The following UST variants were observed in gnomAD, a reference collection of about 807,000 sequenced individuals.
UST encodes chondroitin sulfate 2-O-sulfotransferase.
A neutral mutation model predicts 45.6 loss-of-function variants in UST; 21 were observed. The ratio of observed to expected loss-of-function variants is 0.46; its 90% CI spans 0.33 to 0.66. The LOEUF (loss-of-function observed/expected upper bound fraction) is 0.66, where lower values mean the gene tolerates loss of function less well. UST is among the 30% of genes least tolerant of loss of function. The pLI is 0.02. For synonymous variants in UST, 215 were observed against 200.6 expected (o/e 1.07, Z -0.61); for missense variants, 463 against 512.4 (o/e 0.90, Z 0.93).
intron 1 of UST, among the ~76,000 whole-genome samples, chr6:148,878,448 ATGAG>A (rs1211187928): frequency 1.0e-5 from 1 of 98,866 alleles, no homozygotes; most frequent in Non-Finnish European, 1.9e-5. Flanking sequence ...GGGATCGTGT[ATGAG>A]TGGGGTGTCG....
intron 1 of UST, among the ~76,000 whole-genome samples, chr6:148,817,702 G>C (rs1032405286): frequency 9.2e-5 from 14 of 152,200 alleles, no homozygotes; most frequent in African/African-American, 3.4e-4. Flanking sequence ...TGCAGAGGAA[G>C]CCTTCAGGTA....
At chr6:149,061,593 A>G (rs1389246271) in intron 7 of UST, among the ~76,000 whole-genome samples, 1 of 152,190 alleles carries the variant, frequency 6.6e-6, no homozygotes, top group East Asian at 1.9e-4. Flanking sequence ...GAGTTGGCAA[A>G]CCAGAATCTG....
chr6:149,076,400 A>G lies in UST; in HGVS notation c.*2284A>G, dbSNP rs1272217315. ...GAACATTGGGACAATTGGTCGTTCA[A>G]AAACATTCATCCTCTTACTGCAAGT... On this transcript the variant is annotated 3_prime_UTR_variant, in exon 8 of 8. Coordinates refer to ENST00000367463, the MANE Select transcript of UST (RefSeq NM_005715.3). The G allele has an allele frequency of 6.6e-6, 1 of 152,218 alleles. No individual in the cohort carries two copies. The highest frequency in any genetic ancestry group is 2.4e-5 in the African/African-American group (1 of 41,454). 9.4% of individuals were successfully genotyped at this position (152,218 alleles called of 1,614,324 possible).
At chr6:148,859,864 G>C (rs571279556) in intron 1 of UST, among the ~76,000 whole-genome samples, 4 of 152,202 alleles carry the variant, frequency 2.6e-5, no homozygotes, top group East Asian at 1.9e-4. Context: ...TCTCTGTTTT[G>C]GTACCAGTAC....
chr6:148,837,488 G>C (rs6926820), intron 1 of UST, among the ~76,000 whole-genome samples: 1,964 of 152,314 alleles, frequency 0.013, 42 homozygotes, highest in African/African-American at 0.045. Flanking sequence ...TGTAGCTGAA[G>C]TTCCTTCACT....
intron 5 of UST, among the ~76,000 whole-genome samples, chr6:148,991,976 T>A (rs1487285926): frequency 6.6e-6 from 1 of 152,168 alleles, no homozygotes; most frequent in African/African-American, 2.4e-5. Flanking sequence ...TTTTTACTGC[T>A]CCATCAAGAA....
intron 5 of UST, among the ~76,000 whole-genome samples, chr6:149,010,905 A>AG (rs1775797219): frequency 6.8e-6 from 1 of 147,934 alleles, no homozygotes; most frequent in African/African-American, 2.5e-5. Flanking sequence ...CAAAAAAAAA[A>AG]AAAAAAAAAA....
chr6:148,840,718 G>GA (rs1184116296), intron 1 of UST, among the ~76,000 whole-genome samples: 3 of 152,148 alleles, frequency 2.0e-5, no homozygotes, highest in Non-Finnish European at 2.9e-5. Context: ...ACTGTATTTT[G>GA]AAAAAAATCT....
chr6:148,749,470 T>C (rs967174526), intron 1 of UST, among the ~76,000 whole-genome samples: 3 of 152,138 alleles, frequency 2.0e-5, no homozygotes, highest in African/African-American at 7.2e-5. Flanking sequence ...TCTGTGCTCA[T>C]TGTCCTCAAA....
chr6:148,841,114 T>TA (rs1222255195), intron 1 of UST, among the ~76,000 whole-genome samples: 3 of 149,598 alleles, frequency 2.0e-5, no homozygotes, highest in East Asian at 1.9e-4. Context: ...TTTGATAGAT[T>TA]AAAAAAAAAG....
At chr6:148,891,048 C>A (rs185946063) in intron 2 of UST, among the ~76,000 whole-genome samples, 3 of 152,308 alleles carry the variant, frequency 2.0e-5, no homozygotes, top group Admixed American at 2.0e-4. Context: ...TTTTGGGAAG[C>A]TTCTACCCAG....
intron 1 of UST, among the ~76,000 whole-genome samples, chr6:148,786,904 A>G (rs1382390235): frequency 6.6e-6 from 1 of 152,174 alleles, no homozygotes; most frequent in Admixed American, 6.5e-5. Flanking sequence ...AGTAATTGCC[A>G]TTCTGACTGG....
chr6:149,070,319 A>G (rs1386584632), intron 7 of UST, among the ~76,000 whole-genome samples: 1 of 152,230 alleles, frequency 6.6e-6, no homozygotes, highest in Non-Finnish European at 1.5e-5. Context: ...CCTGTGAACA[A>G]TGACCCGCCC....
At chr6:148,893,152 A>C (rs1346868019) in intron 2 of UST, among the ~76,000 whole-genome samples, 1 of 152,242 alleles carries the variant, frequency 6.6e-6, no homozygotes, top group East Asian at 1.9e-4. Flanking sequence ...ACTTACATAC[A>C]AAAGCATTTT....
chr6:148,912,422 T>C (rs1479905895), intron 2 of UST, among the ~76,000 whole-genome samples: 4 of 152,264 alleles, frequency 2.6e-5, no homozygotes, highest in African/African-American at 4.8e-5. Flanking sequence ...TATCCCTGCG[T>C]AAGTCCTGAA....
At chr6:148,983,569 A>G (rs1462267604) in intron 5 of UST, among the ~76,000 whole-genome samples, 2 of 152,218 alleles carry the variant, frequency 1.3e-5, no homozygotes, top group South Asian at 2.1e-4. Context: ...GAGGGTTGGA[A>G]ATGTCACACA....
chr6:148,879,941 C>CT (rs767195786), intron 1 of UST, among the ~76,000 whole-genome samples: 14 of 109,892 alleles, frequency 1.3e-4, no homozygotes, highest in Non-Finnish European at 2.2e-4. Flanking sequence ...TTTCTTTTTT[C>CT]TTTTTTTTTT....
Position 148,756,557 on chromosome 6 carries a change from T to G in UST, c.247+8880T>G, listed in dbSNP as rs577039912. ...CCCAAAACTGCCACTGATTCATTTT[T>G]GTTGTCTCGCTGCCTGCTTAGACTT... On this transcript the variant is annotated intron_variant, in intron 1 of 7. Transcript: ENST00000367463. 2.2e-3 allele frequency among the ~76,000 whole-genome samples: 334 copies of G among 152,364 alleles called. 1 individual carries two copies. Among genetic ancestry groups the G allele is most frequent in the Non-Finnish European group, 3.6e-3 (244 of 68,034 alleles).
chr6:149,003,284 T>C (rs1287015342), intron 5 of UST, among the ~76,000 whole-genome samples: 1 of 152,182 alleles, frequency 6.6e-6, no homozygotes, highest in African/African-American at 2.4e-5. Context: ...ATCAATGGCA[T>C]TAAAGATAAT....
Sources: gnomAD v4.1 joint callset for allele counts (sites outside exome capture counted in the v4.1 genomes callset) on GRCh38, gnomAD v4.1.1 for gene constraint, MANE v1.5 for transcripts, NCBI Gene and HGNC (gene_info 2026-07-23, HGNC 2026-07-21) for gene names.